The following SRBD1 variants were observed in gnomAD, a reference collection of about 807,000 sequenced individuals.
SRBD1 encodes the protein S1 RNA-binding domain-containing protein 1.
Under a neutral mutation model 115.3 loss-of-function variants are expected in SRBD1, and 88 were observed. The observed-to-expected ratio is 0.76, with a 90% CI of 0.64 to 0.91. The LOEUF (loss-of-function observed/expected upper bound fraction) is 0.91, where lower values mean the gene tolerates loss of function less well. SRBD1 is among the 40% of genes least tolerant of loss of function. The probability of loss-of-function intolerance (pLI) is 0.00; values close to 1 mark genes in which losing one functional copy is unlikely to be tolerated. For synonymous variants in SRBD1, 509 were observed against 407.7 expected (o/e 1.25, Z -2.99); for missense variants, 1,385 against 1,177.4 (o/e 1.18, Z -2.58).
chr2:45,519,473 T>C (rs1558450010), intron 14 of SRBD1, among the ~76,000 whole-genome samples: 1 of 152,198 alleles, frequency 6.6e-6, no homozygotes, highest in African/African-American at 2.4e-5. Context: ...ACTTAAGTAG[T>C]TTACAAGAGT....
At chr2:45,575,434 T>A (rs1673146676) in intron 7 of SRBD1, among the ~76,000 whole-genome samples, 1 of 152,238 alleles carries the variant, frequency 6.6e-6, no homozygotes, top group Non-Finnish European at 1.5e-5. Flanking sequence ...CACTGCTTTG[T>A]TTCATTTCTT....
At chr2:45,506,565 T>C (rs764888824) in intron 14 of SRBD1, among the ~76,000 whole-genome samples, 1 of 152,178 alleles carries the variant, frequency 6.6e-6, no homozygotes, top group South Asian at 2.1e-4. Context: ...TGTGCCTATT[T>C]CACACTAAAT....
At chr2:45,461,169 C>A (rs753835381) in intron 16 of SRBD1, among the ~76,000 whole-genome samples, 16 of 152,264 alleles carry the variant, frequency 1.1e-4, no homozygotes, top group Admixed American at 2.0e-4. Flanking sequence ...ATGTAGGGAT[C>A]TGAAGAGAAA....
At chr2:45,582,742 T>G (rs954894606) in intron 5 of SRBD1, among the ~76,000 whole-genome samples, 2 of 152,168 alleles carry the variant, frequency 1.3e-5, no homozygotes, top group African/African-American at 4.8e-5. Flanking sequence ...TTCTCTGGCA[T>G]ATGATATTTC....
At chr2:45,401,791 C>T (rs980737498) in intron 19 of SRBD1, among the ~76,000 whole-genome samples, 1 of 152,200 alleles carries the variant, frequency 6.6e-6, no homozygotes, top group Non-Finnish European at 1.5e-5. Flanking sequence ...CTTCTGGTTG[C>T]TCATAGTGAA....
intron 16 of SRBD1, among the ~76,000 whole-genome samples, chr2:45,436,421 GA>G (rs1223421973): frequency 6.6e-6 from 1 of 152,176 alleles, no homozygotes; most frequent in East Asian, 1.9e-4. Flanking sequence ...AGTAAGAAAA[GA>G]AAAGTTATAT....
chr2:45,401,388 T>C (rs17033608), intron 19 of SRBD1, among the ~76,000 whole-genome samples: 1 of 152,188 alleles, frequency 6.6e-6, no homozygotes, highest in South Asian at 2.1e-4. Context: ...AATCTAATAT[T>C]GTCTAGCCAT....
chr2:45,570,562 T>C (rs1164298426), intron 9 of SRBD1, among the ~76,000 whole-genome samples: 1 of 152,160 alleles, frequency 6.6e-6, no homozygotes, highest in Non-Finnish European at 1.5e-5. Context: ...CAAAGGTAAC[T>C]GGTAAGGTAG....
chr2:45,396,610 C>T (rs894759976), intron 19 of SRBD1, among the ~76,000 whole-genome samples: 3 of 152,172 alleles, frequency 2.0e-5, no homozygotes, highest in Admixed American at 6.5e-5. Context: ...AGAGTTAATG[C>T]TTATTTTTCA....
chr2:45,462,062 G>A (rs1669333369), intron 16 of SRBD1, among the ~76,000 whole-genome samples: 1 of 152,016 alleles, frequency 6.6e-6, no homozygotes, highest in Non-Finnish European at 1.5e-5. Flanking sequence ...GAAAAAAAAA[G>A]GAATCATTTT....
intron 14 of SRBD1, among the ~76,000 whole-genome samples, chr2:45,499,000 GAT>G (rs1261131368): frequency 7.9e-5 from 12 of 152,064 alleles, no homozygotes; most frequent in Non-Finnish European, 1.5e-4. Flanking sequence ...CTTTCTTTTG[GAT>G]ATATACTTAG....
intron 11 of SRBD1, among the ~76,000 whole-genome samples, chr2:45,551,527 C>A (rs1224486939): frequency 1.3e-5 from 2 of 152,162 alleles, no homozygotes; most frequent in Non-Finnish European, 2.9e-5. Context: ...TCTATCTGCT[C>A]TCTACTGTAT....
Position 45,448,225 on chromosome 2 carries a change from T to C in SRBD1, c.2050-28331A>G, listed in dbSNP as rs572610988. The C allele has an allele frequency of 1.2e-4, 18 of 152,276 alleles. No individual in the cohort carries two copies. The East Asian group carries it at 3.1e-3, about 26-fold the overall frequency. 9.4% of individuals were successfully genotyped at this position (152,276 alleles called of 1,614,324 possible). A position where few individuals can be genotyped will look rare whatever the true frequency, so the allele number is the denominator to read the frequency against. On this transcript the variant is annotated intron_variant, in intron 16 of 20. Transcript: ENST00000263736. The stretch of plus-strand genomic sequence containing the variant: ...AAATCTTGCCTCTACTATTAACAGA[T>C]TCTTAATCTCTTTGTGCTTCAAGTT...
At chr2:45,456,853 A>G (rs1669170203) in intron 16 of SRBD1, among the ~76,000 whole-genome samples, 1 of 151,898 alleles carries the variant, frequency 6.6e-6, no homozygotes, top group South Asian at 2.1e-4. Flanking sequence ...GTAACTCTGG[A>G]TTAGGGCACG....
chr2:45,546,176 G>C, intron 14 of SRBD1: 1 of 985,412 alleles, frequency 1.0e-6, no homozygotes, highest in South Asian at 4.7e-5. Context: ...TACAAATGCA[G>C]GGGCAAGACT....
chr2:45,440,743 A>AT (rs1264387960), intron 16 of SRBD1, among the ~76,000 whole-genome samples: 1 of 152,180 alleles, frequency 6.6e-6, no homozygotes, highest in African/African-American at 2.4e-5. Context: ...CTTCTAATAA[A>AT]TTAAAACAGT....
At chr2:45,563,572 A>G (rs1558481010) in intron 9 of SRBD1, among the ~76,000 whole-genome samples, 1 of 152,082 alleles carries the variant, frequency 6.6e-6, no homozygotes, top group Non-Finnish European at 1.5e-5. Context: ...ACTAATCAAG[A>G]AAAACAACAG....
intron 18 of SRBD1, among the ~76,000 whole-genome samples, chr2:45,414,596 CAT>C (rs760940641): frequency 1.2e-3 from 172 of 147,642 alleles, no homozygotes; most frequent in Admixed American, 2.4e-3. Flanking sequence ...TGTGTGTACA[CAT>C]AGTGTGTATA....
intron 16 of SRBD1, among the ~76,000 whole-genome samples, chr2:45,437,538 C>A (rs983187671): frequency 3.3e-5 from 5 of 152,106 alleles, no homozygotes; most frequent in African/African-American, 1.2e-4. Flanking sequence ...AATGTAGACA[C>A]AGATCTTACA....
Sources: allele counts gnomAD v4.1 joint callset (sites outside exome capture counted in the v4.1 genomes callset), GRCh38; gene constraint gnomAD v4.1.1; transcripts MANE v1.5; gene names NCBI Gene and HGNC (gene_info 2026-07-23, HGNC 2026-07-21).